MYO19: variants seen among roughly 807,000 people sequenced by gnomAD.
MYO19 encodes myosin XIX.
MYO19 carries 132 observed loss-of-function variants against 129.2 expected under a neutral mutation model. The ratio of observed to expected loss-of-function variants is 1.02; its 90% CI spans 0.89 to 1.18. The LOEUF is 1.18. Among genes scored for constraint, MYO19 ranks in the 50% most tolerant of loss-of-function variants. The pLI is 0.00. For synonymous variants in MYO19, 531 were observed against 477.2 expected, an observed-to-expected ratio of 1.11 and a Z score of -1.47; for missense variants, 1,210 against 1,216.7, an observed-to-expected ratio of 0.99 and a Z score of 0.08.
rs966588598 is a variant in MYO19, at chr17:36,506,828, C to A, written c.1644+135G>T. ...TAGTGGAGACCTCAGACAGGTGGGC[C>A]CAAGATGGTGATTCTGGATTCTGGG... On this transcript the variant is annotated intron_variant, in intron 17 of 25. Transcript: ENST00000614623. 4.9e-6 allele frequency: 6 copies of A among 1,229,996 alleles called. No homozygotes were observed. The Admixed American group carries it at 1.5e-4, about 30-fold the overall frequency. The allele number at this position is 1,229,996 out of a possible 1,614,324, so 76.2% of individuals were successfully genotyped here.
At chr17:36,538,090 G>C, upstream of MYO19, 1 of 1,614,154 alleles carries the variant, frequency 6.2e-7, no homozygotes, top group Non-Finnish European at 8.5e-7. Context: ...CATAAGAACC[G>C]ATCACATATC....
chr17:36,515,508 G>T (rs1197189128), intron 7 of MYO19, among the ~76,000 whole-genome samples: 1 of 152,164 alleles, frequency 6.6e-6, no homozygotes, highest in Non-Finnish European at 1.5e-5. Context: ...GGGTTCCAGT[G>T]CCAACACAAA....
intron 11 of MYO19, 32 bp from the exon 12 acceptor site, chr17:36,511,487 G>A: frequency 6.5e-7 from 1 of 1,545,556 alleles, no homozygotes; most frequent in South Asian, 1.2e-5. Flanking sequence ...GTGGGAGTAG[G>A]AGAGGGCGTG....
rs937268106 is a variant in MYO19 at position 36,515,839 on chromosome 17, C to T, written c.547+19G>A. On this transcript the variant is annotated intron_variant, in intron 7 of 25. Coordinates refer to ENST00000614623, the MANE Select transcript of MYO19 (RefSeq NM_001163735.2). The stretch of plus-strand genomic sequence containing the variant: ...GAGGAAATGGGACTGAGATACTGTG[C>T]AAAGGAGCCCAAGCTCACCAAAAGC... The T allele has an allele frequency of 1.9e-6, 3 of 1,605,764 alleles. No individual in the cohort carries two copies. Among genetic ancestry groups the T allele is most frequent in the South Asian group, 2.2e-5 (2 of 90,626 alleles).
chr17:36,531,886 G>C (rs2073857997), intron 3 of MYO19, among the ~76,000 whole-genome samples: 1 of 152,170 alleles, frequency 6.6e-6, no homozygotes, highest in African/African-American at 2.4e-5. Flanking sequence ...AAAATAAAAA[G>C]TCAGCAAATA....
chr17:36,508,354 T>G (rs1479123878), intron 14 of MYO19: 1 of 160,040 alleles, frequency 6.2e-6, no homozygotes, highest in Non-Finnish European at 1.4e-5. Flanking sequence ...ACTGCACTTG[T>G]ACCTTTAAGC....
At position 36,498,471 on chromosome 17, in the gene MYO19, G is replaced by C; in HGVS notation, c.2552C>G (p.Pro851Arg). 1 of 1,614,040 alleles carries C rather than the reference G, an allele frequency of 6.2e-7. No individual in the cohort carries two copies. The highest frequency in any genetic ancestry group is 1.1e-5 in the South Asian group (1 of 91,088). Reference sequence around the variant, plus strand: ...TGCCTCCAGGAGCCTGGTCTGCAGCGGCGAGGTGCTCAGGGAACAGGGAGC... The same window carrying C: ...TGCCTCCAGGAGCCTGGTCTGCAGCCGCGAGGTGCTCAGGGAACAGGGAGC... ...SQAPCSLSTS[P>R]LQTRLLEAII... The change falls in exon 25 of 26, where the codon CCG becomes CGG. Residue 851 changes from proline to arginine, a missense_variant. Pro to Arg is a moderately radical substitution (Grantham distance 103). Transcript: ENST00000614623.
intron 1 of MYO19, chr17:36,534,345 T>A (rs1232719167): frequency 6.6e-6 from 1 of 152,188 alleles, no homozygotes; most frequent in African/African-American, 2.4e-5. Flanking sequence ...AGGGCTGGGA[T>A]GCCGTTCCGG....
chr17:36,513,224 T>C, intron 11 of MYO19: 1 of 1,448,738 alleles, frequency 6.9e-7, no homozygotes, highest in Non-Finnish European at 9.0e-7. Context: ...TGTGTATGCA[T>C]CACTCTTCCT....
chr17:36,536,764 C>T (rs2074141887), upstream of MYO19, among the ~76,000 whole-genome samples: 1 of 152,226 alleles, frequency 6.6e-6, no homozygotes, highest in Non-Finnish European at 1.5e-5. Context: ...ATCCTCCCAC[C>T]TCGGCCTCCC....
intron 3 of MYO19, among the ~76,000 whole-genome samples, chr17:36,528,435 C>T (rs887148888): frequency 2.0e-4 from 30 of 151,426 alleles, no homozygotes; most frequent in African/African-American, 7.3e-4. Flanking sequence ...GGCGTGAACC[C>T]GGGAGGCGGA....
At position 36,510,815 on chromosome 17, in the gene MYO19, A is replaced by G; in HGVS notation, c.1088T>C (p.Phe363Ser). 6.3e-7 allele frequency: 1 copy of G among 1,594,906 alleles called. No homozygotes were observed. The highest frequency in any genetic ancestry group is 8.5e-7 in the Non-Finnish European group (1 of 1,170,954). Reference protein sequence around the residue: ...TIRAGRQQQVFRKPCARAECD... With the variant: ...TIRAGRQQQVSRKPCARAECD... ...CTCGGCTCGGGCGCAGGGCTTCCGG[A>G]ACACCTGCTGCTGTCTGCCTGCCCT... The change falls in exon 13 of 26, where the codon TTC becomes TCC. Residue 363 changes from phenylalanine to serine, a missense_variant. By Grantham distance (155) the Phe-to-Ser change is radical. Coordinates refer to ENST00000614623, the MANE Select transcript of MYO19 (RefSeq NM_001163735.2).
chr17:36,527,280 G>GA (rs922985978), intron 5 of MYO19, among the ~76,000 whole-genome samples: 13 of 150,758 alleles, frequency 8.6e-5, no homozygotes, highest in East Asian at 5.8e-4. Flanking sequence ...CCGCAAACAA[G>GA]AAAAAAAAAT....
rs1445169255 is a variant in MYO19, at chr17:36,522,757, C to T, written c.414+2471G>A. ...GCGTGATGGCTCACGCCTGTAATCC[C>T]AGCAATCTGGGAGGCCGAGGCGAGT... On this transcript the variant is annotated intron_variant, in intron 6 of 25. Coordinates refer to ENST00000614623, the MANE Select transcript of MYO19 (RefSeq NM_001163735.2). Among the ~76,000 whole-genome samples the T allele has an allele frequency of 2.6e-5, 4 of 152,070 alleles. No individual in the cohort carries two copies. The East Asian group carries it at 7.7e-4, about 29-fold the overall frequency.
At chr17:36,515,395 G>C (rs1025107217) in intron 7 of MYO19, among the ~76,000 whole-genome samples, 1 of 152,170 alleles carries the variant, frequency 6.6e-6, no homozygotes, top group Non-Finnish European at 1.5e-5. Flanking sequence ...TTCCTGGCAA[G>C]AAATTGGAAT....
intron 6 of MYO19, among the ~76,000 whole-genome samples, chr17:36,522,026 TTTAAAAAAA>T (rs2073160886): frequency 5.2e-5 from 2 of 38,514 alleles, no homozygotes; most frequent in African/African-American, 1.6e-4. Flanking sequence ...CAAGACTGTC[TTTAAAAAAA>T]AAAAAAAAAA....
intron 14 of MYO19, 154 bp from the exon 15 acceptor site, chr17:36,508,078 A>G (rs1046885234): frequency 4.5e-5 from 33 of 732,440 alleles, no homozygotes; most frequent in Non-Finnish European, 6.7e-5. Context: ...GGTGGGCAGA[A>G]CATACCTTCC....
intron 4 of MYO19, among the ~76,000 whole-genome samples, 162 bp downstream of exon 4, chr17:36,527,902 G>A (rs1335027094): frequency 6.6e-6 from 1 of 152,240 alleles, no homozygotes; most frequent in African/African-American, 2.4e-5. Flanking sequence ...GAGCCCAGGT[G>A]CAGCTGTCAT....
intron 21 of MYO19, 130 bp from the exon 22 acceptor site, chr17:36,501,365 C>T: frequency 1.0e-6 from 1 of 960,936 alleles, no homozygotes; most frequent in East Asian, 2.7e-5. Flanking sequence ...TAGCCATTTT[C>T]TCCTTGTTCT....
Sources: allele counts gnomAD v4.1 joint callset (sites outside exome capture counted in the v4.1 genomes callset), GRCh38; gene constraint gnomAD v4.1.1; transcripts MANE v1.5; gene names NCBI Gene and HGNC (gene_info 2026-07-23, HGNC 2026-07-21).